SPAG16: variants seen among roughly 807,000 people sequenced by gnomAD.
SPAG16 encodes the protein sperm-associated antigen 16 protein.
In SPAG16, 86 loss-of-function variants were observed where a neutral mutation model predicts 80.4. The observed-to-expected ratio is 1.07, with a 90% CI of 0.90 to 1.28. The LOEUF (loss-of-function observed/expected upper bound fraction) is 1.28. SPAG16 is among the 50% of genes most tolerant of loss of function. The pLI is 0.00. For synonymous variants in SPAG16, 294 were observed against 265.9 expected, an observed-to-expected ratio of 1.11 and a Z score of -1.03; for missense variants, 870 against 765.3, an observed-to-expected ratio of 1.14 and a Z score of -1.61.
chr2:213,423,550 A>G (rs942785395), intron 9 of SPAG16, among the ~76,000 whole-genome samples: 1 of 152,164 alleles, frequency 6.6e-6, no homozygotes, highest in Non-Finnish European at 1.5e-5. Context: ...AAGGGGGATA[A>G]AAATTAAATC....
At chr2:214,114,064 C>T (rs2053811239) in intron 14 of SPAG16, among the ~76,000 whole-genome samples, 1 of 152,104 alleles carries the variant, frequency 6.6e-6, no homozygotes, top group African/African-American at 2.4e-5. Context: ...TGTTATTTTT[C>T]CTTCTGACAG....
At chr2:213,773,955 A>G (rs895428058) in intron 10 of SPAG16, among the ~76,000 whole-genome samples, 2 of 152,158 alleles carry the variant, frequency 1.3e-5, no homozygotes, top group Non-Finnish European at 2.9e-5. Flanking sequence ...ATCATATATT[A>G]TATTTCTAAC....
intron 11 of SPAG16, among the ~76,000 whole-genome samples, chr2:213,905,642 C>T (rs1303920805): frequency 6.6e-6 from 1 of 152,094 alleles, no homozygotes; most frequent in Non-Finnish European, 1.5e-5. Context: ...TTCCTGCCCC[C>T]TATGTATTAC....
chr2:214,217,180 A>G lies in SPAG16; in HGVS notation c.1720+67914A>G, dbSNP rs1304391406. On this transcript the variant is annotated intron_variant, in intron 15 of 15. Transcript: ENST00000331683. ...ATTTTAGATATAAAAAGAGCAAGGC[A>G]CAAATCGATTTAATGGGAGATAAAG... Among the ~76,000 whole-genome samples the G allele has an allele frequency of 2.0e-5, 3 of 152,254 alleles. No homozygotes were observed. The East Asian group carries it at 5.8e-4, about 29-fold the overall frequency.
At chr2:213,889,836 T>C (rs1362368125) in intron 11 of SPAG16, among the ~76,000 whole-genome samples, 1 of 151,512 alleles carries the variant, frequency 6.6e-6, no homozygotes, top group African/African-American at 2.4e-5. Context: ...GGGAAGCCTC[T>C]AATCAACTAA....
chr2:214,275,420 G>A (rs945856609), intron 15 of SPAG16, among the ~76,000 whole-genome samples: 3 of 151,328 alleles, frequency 2.0e-5, no homozygotes, highest in African/African-American at 7.3e-5. Flanking sequence ...TCCTGCTTTT[G>A]TGGGCATTTA....
chr2:214,125,248 G>A (rs2054415046), intron 14 of SPAG16, among the ~76,000 whole-genome samples: 1 of 151,446 alleles, frequency 6.6e-6, no homozygotes, highest in African/African-American at 2.4e-5. Flanking sequence ...ATTGGCTGCA[G>A]TCATTTAAAA....
At chr2:213,759,762 C>T (rs1017508251) in intron 10 of SPAG16, among the ~76,000 whole-genome samples, 8 of 151,984 alleles carry the variant, frequency 5.3e-5, no homozygotes, top group East Asian at 1.9e-4. Flanking sequence ...AGTGGCTGGG[C>T]GCAGTGGCTC....
intron 12 of SPAG16, among the ~76,000 whole-genome samples, chr2:213,960,331 T>A (rs1482316313): frequency 6.6e-6 from 1 of 152,162 alleles, no homozygotes; most frequent in Non-Finnish European, 1.5e-5. Flanking sequence ...AATACAGTTA[T>A]TTTAAAGTGC....
intron 8 of SPAG16, among the ~76,000 whole-genome samples, chr2:213,374,124 G>A (rs2066774876): frequency 6.6e-6 from 1 of 152,098 alleles, no homozygotes; most frequent in Non-Finnish European, 1.5e-5. Flanking sequence ...TATTGTGGGA[G>A]TTATTTTGAG....
chr2:214,101,453 C>T (rs1026122388), intron 13 of SPAG16, among the ~76,000 whole-genome samples: 7 of 152,038 alleles, frequency 4.6e-5, no homozygotes, highest in Non-Finnish European at 8.8e-5. Flanking sequence ...TCCTGGAGGG[C>T]ATTTGCACCT....
At chr2:214,291,899 G>T (rs562263720) in intron 15 of SPAG16, among the ~76,000 whole-genome samples, 1 of 151,958 alleles carries the variant, frequency 6.6e-6, no homozygotes, top group Admixed American at 6.6e-5. Context: ...TTGTCTTTTC[G>T]CTTCCAGATT....
At chr2:213,812,050 G>A (rs2072191842) in intron 10 of SPAG16, among the ~76,000 whole-genome samples, 1 of 152,154 alleles carries the variant, frequency 6.6e-6, no homozygotes, top group Non-Finnish European at 1.5e-5. Flanking sequence ...TAAAGAGGAG[G>A]TGGAGAACAG....
At chr2:214,216,447 A>G (rs1191829371) in intron 15 of SPAG16, among the ~76,000 whole-genome samples, 2 of 152,076 alleles carry the variant, frequency 1.3e-5, no homozygotes, top group Non-Finnish European at 2.9e-5. Context: ...TCAGCCTACC[A>G]AGTAGCTGGG....
At chr2:213,791,466 A>G (rs573328861) in intron 10 of SPAG16, among the ~76,000 whole-genome samples, 1 of 152,094 alleles carries the variant, frequency 6.6e-6, no homozygotes, top group African/African-American at 2.4e-5. Context: ...CTGACTAGAT[A>G]ATCATAATAT....
At chr2:213,870,643 G>A (rs988760035) in intron 11 of SPAG16, among the ~76,000 whole-genome samples, 5 of 152,090 alleles carry the variant, frequency 3.3e-5, no homozygotes, top group South Asian at 4.1e-4. Flanking sequence ...AATGTTCCAC[G>A]AGAAAATATA....
intron 10 of SPAG16, among the ~76,000 whole-genome samples, chr2:213,812,306 A>G (rs923194869): frequency 2.6e-5 from 4 of 152,192 alleles, no homozygotes; most frequent in African/African-American, 9.7e-5. Context: ...TTAAGGGCCT[A>G]TATTATACTG....
intron 15 of SPAG16, among the ~76,000 whole-genome samples, chr2:214,367,447 C>G (rs564744379): frequency 2.0e-5 from 3 of 152,246 alleles, no homozygotes; most frequent in African/African-American, 4.8e-5. Flanking sequence ...TAAAGAAACT[C>G]TACATCAAAC....
intron 10 of SPAG16, among the ~76,000 whole-genome samples, chr2:213,637,801 A>G (rs2062425734): frequency 6.6e-6 from 1 of 152,178 alleles, no homozygotes; most frequent in Non-Finnish European, 1.5e-5. Context: ...TCTGTTGCCC[A>G]GGCTGGAGTG....
Sources: gnomAD v4.1 joint callset for allele counts (sites outside exome capture counted in the v4.1 genomes callset) on GRCh38, gnomAD v4.1.1 for gene constraint, MANE v1.5 for transcripts, NCBI Gene and HGNC (gene_info 2026-07-23, HGNC 2026-07-21) for gene names.